POU2AF2: variants seen among roughly 807,000 people sequenced by gnomAD.
POU2AF2 encodes the protein POU class 2 homeobox associating factor 2.
chr11:111,251,187 T>A, the POU2AF2 span, among the ~76,000 whole-genome samples: 1 of 152,184 alleles, frequency 6.6e-6, no homozygotes, highest in East Asian at 1.9e-4. Context: ...CTGGATATTA[T>A]CAGAAGAGTA....
chr11:111,261,992 C>T, the POU2AF2 span, among the ~76,000 whole-genome samples: 1 of 152,152 alleles, frequency 6.6e-6, no homozygotes, highest in Admixed American at 6.5e-5. Context: ...TTCCACACAG[C>T]GTGATTCTTG....
At chr11:111,256,655 G>A in the POU2AF2 span, among the ~76,000 whole-genome samples, 1 of 152,212 alleles carries the variant, frequency 6.6e-6, no homozygotes, top group East Asian at 1.9e-4. Flanking sequence ...CCTTCCAGCT[G>A]TAAATATCTC....
chr11:111,245,844 A>G, the POU2AF2 span: 3 of 399,004 alleles, frequency 7.5e-6, no homozygotes, highest in African/African-American at 2.1e-5. Flanking sequence ...ATCCACCAGA[A>G]ACATCCAGAA....
chr11:111,286,152 A>G, the POU2AF2 span: 314 of 1,367,520 alleles, frequency 2.3e-4, 2 homozygotes, highest in Non-Finnish European at 2.5e-4. Flanking sequence ...GATTTTCAGA[A>G]TAAGCCTCAA....
chr11:111,276,613 G>A, the POU2AF2 span, among the ~76,000 whole-genome samples: 1 of 145,896 alleles, frequency 6.9e-6, no homozygotes, highest in East Asian at 2.0e-4. Context: ...ATGCACTCCA[G>A]CCTGGGTGAC....
chr11:111,285,880 G>T, the POU2AF2 span: 2 of 1,610,816 alleles, frequency 1.2e-6, no homozygotes, highest in Admixed American at 1.7e-5. Flanking sequence ...ACCCTACCCC[G>T]CCTCCTTACC....
the POU2AF2 span, chr11:111,285,642 A>G: frequency 1.2e-6 from 2 of 1,601,430 alleles, no homozygotes; most frequent in African/African-American, 1.3e-5. Context: ...TGGCCTTTCC[A>G]TTCTCCTCAG....
At chr11:111,265,210 A>G in the POU2AF2 span, among the ~76,000 whole-genome samples, 1 of 152,140 alleles carries the variant, frequency 6.6e-6, no homozygotes, top group African/African-American at 2.4e-5. Context: ...GGCCTGCACA[A>G]TCCTTCAAAA....
chr11:111,268,712 T>A, the POU2AF2 span, among the ~76,000 whole-genome samples: 1 of 151,416 alleles, frequency 6.6e-6, no homozygotes, highest in East Asian at 1.9e-4. Context: ...TTTGTTTGTT[T>A]GTTTGTTGTA....
the POU2AF2 span, among the ~76,000 whole-genome samples, chr11:111,282,104 G>GA: frequency 5.8e-4 from 85 of 145,726 alleles, no homozygotes; most frequent in Admixed American, 3.6e-3. Context: ...GCCTTCTACA[G>GA]AAAAAAAAAA....
the POU2AF2 span, among the ~76,000 whole-genome samples, chr11:111,269,222 G>A: frequency 1.3e-5 from 2 of 148,230 alleles, no homozygotes; most frequent in Non-Finnish European, 3.0e-5. Flanking sequence ...AAAATCTTCC[G>A]AGGAGGCAGT....
chr11:111,276,236 C>T, the POU2AF2 span, among the ~76,000 whole-genome samples: 1 of 151,220 alleles, frequency 6.6e-6, no homozygotes, highest in African/African-American at 2.4e-5. Context: ...ACCTCAAAGA[C>T]CAAGGGAGTA....
At chr11:111,280,080 ATC>A in the POU2AF2 span, among the ~76,000 whole-genome samples, 194 of 123,752 alleles carry the variant, frequency 1.6e-3, no homozygotes, top group African/African-American at 5.3e-3. Flanking sequence ...ATATATATAT[ATC>A]TTTTGGAGGG....
At chr11:111,272,524 C>G in the POU2AF2 span, among the ~76,000 whole-genome samples, 1 of 152,170 alleles carries the variant, frequency 6.6e-6, no homozygotes, top group East Asian at 1.9e-4. Flanking sequence ...TTAGTTGTCA[C>G]TAAAAATGAT....
the POU2AF2 span, among the ~76,000 whole-genome samples, chr11:111,257,664 G>A: frequency 2.8e-4 from 43 of 151,832 alleles, no homozygotes; most frequent in Non-Finnish European, 5.2e-4. Flanking sequence ...GTGACCCACC[G>A]CGCCCAGCCG....
At chr11:111,283,091 G>C in the POU2AF2 span, among the ~76,000 whole-genome samples, 1 of 111,472 alleles carries the variant, frequency 9.0e-6, no homozygotes, top group East Asian at 2.8e-4. Context: ...ACGGACTCTT[G>C]CTCTGGGCGA....
the POU2AF2 span, among the ~76,000 whole-genome samples, chr11:111,258,323 T>C: frequency 1.3e-5 from 2 of 152,116 alleles, no homozygotes; most frequent in Admixed American, 6.5e-5. Context: ...AAACTATCAA[T>C]TGGAAAGGCA....
chr11:111,284,462 TGAAGCCAGG>T, the POU2AF2 span: 1 of 1,441,540 alleles, frequency 6.9e-7, no homozygotes, highest in South Asian at 1.4e-5. Context: ...GCATCCGGGT[TGAAGCCAGG>T]TCTGGCTCAC....
chr11:111,285,685 T>G, the POU2AF2 span: 1 of 1,613,238 alleles, frequency 6.2e-7, no homozygotes, highest in Non-Finnish European at 8.5e-7. Context: ...TGCCTGACGG[T>G]CTCAGCCAGC....
Sources: gnomAD v4.1 joint callset for allele counts (sites outside exome capture counted in the v4.1 genomes callset) on GRCh38, gnomAD v4.1.1 for gene constraint, MANE v1.5 for transcripts, NCBI Gene and HGNC (gene_info 2026-07-23, HGNC 2026-07-21) for gene names.